Variants in TRAP1 observed in about 807,000 individuals in gnomAD.
TRAP1 encodes TNF receptor associated protein 1.
In TRAP1, 102 loss-of-function variants were observed where a neutral mutation model predicts 89.1. The observed-to-expected ratio is 1.15, with a 90% confidence interval of 0.98 to 1.35. TRAP1 has a LOEUF of 1.35. Among genes scored for constraint, TRAP1 ranks in the 40% most tolerant of loss-of-function variants. TRAP1 has a pLI of 0.00. For missense variants in TRAP1, 1,256 were observed against 945.3 expected, an observed-to-expected ratio of 1.33 and a Z score of -4.31; for synonymous variants, 508 against 388.0, an observed-to-expected ratio of 1.31 and a Z score of -3.64.
intron 1 of TRAP1, among the ~76,000 whole-genome samples, chr16:3,704,571 C>T (rs906921130): frequency 1.3e-5 from 2 of 152,076 alleles, no homozygotes; most frequent in Non-Finnish European, 2.9e-5. Flanking sequence ...CCAGACCAGG[C>T]ATGGCTGCTC....
At chr16:3,671,436 G>C (rs1288560584) in intron 11 of TRAP1, among the ~76,000 whole-genome samples, 1 of 152,218 alleles carries the variant, frequency 6.6e-6, no homozygotes, top group African/African-American at 2.4e-5. Context: ...CAGGGCTGCA[G>C]TCACAACCCT....
At chr16:3,662,742 C>T (rs754408278) in intron 15 of TRAP1, 140 bp downstream of exon 15, 2 of 791,244 alleles carry the variant, frequency 2.5e-6, no homozygotes, top group East Asian at 5.3e-5. Flanking sequence ...AGCAGGGACC[C>T]ACAGGGTCTC....
chr16:3,708,874 G>C lies in TRAP1; in HGVS notation c.88+8547C>G, dbSNP rs545870940. 1.1e-4 allele frequency among the ~76,000 whole-genome samples: 17 copies of C among 148,434 alleles called. 1 individual carries two copies. The South Asian group carries it at 3.2e-3, about 28-fold the overall frequency. On this transcript the variant is annotated intron_variant, in intron 1 of 17. Coordinates refer to ENST00000246957, the MANE Select transcript of TRAP1 (RefSeq NM_016292.3). ...TCTGTTGCCGAGGCTGGAGTGCAGT[G>C]GTGCGATCGCGGCTCACTGCAAGCT...
At chr16:3,706,900 G>A (rs2051454920) in intron 1 of TRAP1, among the ~76,000 whole-genome samples, 1 of 152,128 alleles carries the variant, frequency 6.6e-6, no homozygotes, top group South Asian at 2.1e-4. Flanking sequence ...GGGTAGAACT[G>A]TGGGGTCATA....
At chr16:3,685,785 G>A (rs1308149070) in intron 4 of TRAP1, among the ~76,000 whole-genome samples, 1 of 152,176 alleles carries the variant, frequency 6.6e-6, no homozygotes, top group South Asian at 2.1e-4. Context: ...GGATGATGGG[G>A]TGATTTCAAA....
In TRAP1 at chr16:3,662,843, C is replaced by A. The variant is rs141002914; in HGVS notation, c.1794+39G>T. 4.5e-4 allele frequency: 718 copies of A among 1,605,100 alleles called. 1 individual carries two copies. The highest frequency in any genetic ancestry group is 5.8e-4 in the Admixed American group (35 of 60,000). ...CCAGCTGGCCAGCCTGTTAGGGACA[C>A]TGCGGCCAAGTGGTGGTCCATCCCC... On this transcript the variant is annotated intron_variant, in intron 15 of 17. Coordinates refer to ENST00000246957, the MANE Select transcript of TRAP1 (RefSeq NM_016292.3).
chr16:3,693,457 G>T (rs188618858), intron 1 of TRAP1, among the ~76,000 whole-genome samples: 2 of 151,882 alleles, frequency 1.3e-5, no homozygotes, highest in Non-Finnish European at 2.9e-5. Flanking sequence ...AGGAGTTCGC[G>T]AACAGTCTAC....
intron 2 of TRAP1, among the ~76,000 whole-genome samples, chr16:3,690,018 T>A (rs2051192155): frequency 2.0e-5 from 3 of 152,120 alleles, no homozygotes; most frequent in Admixed American, 2.0e-4. Flanking sequence ...TTCTTTCTTT[T>A]TTTTTTAGAG....
At chr16:3,687,578 C>G (rs1161282859) in intron 3 of TRAP1, among the ~76,000 whole-genome samples, 2 of 152,092 alleles carry the variant, frequency 1.3e-5, no homozygotes, top group Admixed American at 6.6e-5. Context: ...TCAAACAGAC[C>G]TTCCATTTAA....
At chr16:3,696,641 G>A (rs529083659) in intron 1 of TRAP1, among the ~76,000 whole-genome samples, 2 of 151,698 alleles carry the variant, frequency 1.3e-5, no homozygotes, top group African/African-American at 2.4e-5. Context: ...CTGCAGCCTC[G>A]ACCTTCCCGG....
chr16:3,684,678 T>C (rs2051115535), intron 4 of TRAP1, among the ~76,000 whole-genome samples: 1 of 152,066 alleles, frequency 6.6e-6, no homozygotes, highest in South Asian at 2.1e-4. Context: ...TAATCCCAGC[T>C]ACTCAGGAAG....
chr16:3,707,573 C>A (rs1192706662), intron 1 of TRAP1, among the ~76,000 whole-genome samples: 1 of 151,490 alleles, frequency 6.6e-6, no homozygotes, highest in Non-Finnish European at 1.5e-5. Context: ...AAGACAAACA[C>A]CCGGGTGAGG....
intron 11 of TRAP1, 47 bp from the exon 12 acceptor site, chr16:3,666,165 A>T: frequency 6.3e-7 from 1 of 1,578,702 alleles, no homozygotes; most frequent in Non-Finnish European, 8.6e-7. Context: ...CCTCTATGAA[A>T]TACAAATGGC....
At chr16:3,713,880 G>A (rs562408768) in intron 1 of TRAP1, among the ~76,000 whole-genome samples, 2 of 152,332 alleles carry the variant, frequency 1.3e-5, no homozygotes, top group East Asian at 3.9e-4. Flanking sequence ...CACACACCAG[G>A]CCCAGGGCTG....
In TRAP1 at chr16:3,690,900, C is replaced by T. The variant is rs201097452; in HGVS notation, c.174G>A (p.Leu58=). ...TGTCCTCGGCGGTCTGCGTGCTGAA[C>T]AGTCGTCCTGCCTGCAAGCTCCAGG... ...NPAWSLQAGR[L]FSTQTAEDKE... Residue 58 remains leucine (L), a synonymous_variant, in exon 2 of 18, where the codon CTG becomes CTA. Coordinates refer to ENST00000246957, the MANE Select transcript of TRAP1 (RefSeq NM_016292.3). The T allele has an allele frequency of 4.5e-5, 72 of 1,593,172 alleles. No individual in the cohort carries two copies. In the East Asian group the frequency reaches 6.8e-4, roughly 15 times the overall value.
At chr16:3,689,242 C>CT (rs34759526) in intron 2 of TRAP1, 105 bp from the exon 3 acceptor site, 39,581 of 424,174 alleles carry the variant, frequency 0.093, 349 homozygotes, top group African/African-American at 0.13. Flanking sequence ...GAGTTTTAAA[C>CT]TTTTTTTTTT....
rs201467388 is a variant in TRAP1 at position 3,705,864 on chromosome 16, T to TA, written c.88+11556_88+11557insT. ...CCGGCTAATTTTATATATATATATA[T>TA]TTTTTTTTAGTAGAGACGGGGTTTC... is the stretch of plus-strand genomic sequence containing the variant. On this transcript the variant is annotated intron_variant, in intron 1 of 17. Coordinates refer to ENST00000246957, the MANE Select transcript of TRAP1 (RefSeq NM_016292.3). Among the ~76,000 whole-genome samples, 1,367 of 150,462 alleles carry TA rather than the reference T, an allele frequency of 9.1e-3. 15 individuals are homozygous for TA. Among genetic ancestry groups the TA allele is most frequent in the African/African-American group, 0.03 (1,215 of 41,010 alleles).
rs1388652773 is a variant in TRAP1, at chr16:3,716,687, G to A, written c.88+734C>T. Among the ~76,000 whole-genome samples the A allele has an allele frequency of 5.3e-5, 8 of 152,322 alleles. No homozygotes were observed. In the South Asian group the frequency reaches 8.3e-4, roughly 16 times the overall value. ...ATTTACACGTATAACACTGTGTACA[G>A]CCCCGAAGCAATGCCGAAACTTTCA... On this transcript the variant is annotated intron_variant, in intron 1 of 17. Transcript: ENST00000246957.
At chr16:3,708,252 T>C (rs752161802) in intron 1 of TRAP1, among the ~76,000 whole-genome samples, 19 of 149,824 alleles carry the variant, frequency 1.3e-4, no homozygotes, top group Non-Finnish European at 2.8e-4. Flanking sequence ...CTTTGGGAGG[T>C]GGGGGCGGGC....
Sources: allele counts gnomAD v4.1 joint callset (sites outside exome capture counted in the v4.1 genomes callset), GRCh38; gene constraint gnomAD v4.1.1; transcripts MANE v1.5; gene names NCBI Gene and HGNC (gene_info 2026-07-23, HGNC 2026-07-21).